GRIK2: variants seen among roughly 807,000 people sequenced by gnomAD.
The protein encoded by GRIK2 is glutamate receptor ionotropic, kainate 2.
Under a neutral mutation model 100.3 loss-of-function variants are expected in GRIK2, and 32 were observed. The observed-to-expected ratio is 0.32, with a 90% CI of 0.24 to 0.43. GRIK2 has a LOEUF of 0.43. Ranked by LOEUF, GRIK2 falls within the 20% of genes least tolerant of loss-of-function variation. The probability of loss-of-function intolerance (pLI) is 1.00; values close to 1 mark genes in which losing one functional copy is unlikely to be tolerated. For synonymous variants in GRIK2, 417 were observed against 389.4 expected, an observed-to-expected ratio of 1.07 and a Z score of -0.83; for missense variants, 843 against 1,114.9, an observed-to-expected ratio of 0.76 and a Z score of 3.47.
intron 4 of GRIK2, among the ~76,000 whole-genome samples, chr6:101,657,388 C>A (rs1202817965): frequency 6.6e-6 from 1 of 152,150 alleles, no homozygotes; most frequent in Non-Finnish European, 1.5e-5. Flanking sequence ...GAGGCCTCCT[C>A]AGCCATGGGG....
At chr6:101,508,092 T>TG (rs1774113901) in intron 2 of GRIK2, among the ~76,000 whole-genome samples, 1 of 111,270 alleles carries the variant, frequency 9.0e-6, no homozygotes, top group South Asian at 2.8e-4. Context: ...TGATTATTAT[T>TG]ATTTTTTTTT....
chr6:101,864,155 A>G (rs1306167795), intron 11 of GRIK2, among the ~76,000 whole-genome samples: 1 of 151,944 alleles, frequency 6.6e-6, no homozygotes, highest in East Asian at 1.9e-4. Context: ...AAAAAAAAAA[A>G]AAAAAAGAAG....
At chr6:102,040,777 A>G (rs1770523594) in intron 15 of GRIK2, among the ~76,000 whole-genome samples, 2 of 151,756 alleles carry the variant, frequency 1.3e-5, no homozygotes, top group South Asian at 4.1e-4. Context: ...TTATAGATGC[A>G]TAAAATTGCC....
chr6:101,792,843 A>C (rs1454765722), intron 7 of GRIK2, among the ~76,000 whole-genome samples: 2 of 152,082 alleles, frequency 1.3e-5, no homozygotes, highest in Admixed American at 6.5e-5. Context: ...TTTCAGGTAC[A>C]CCAATCAGAT....
At chr6:101,481,089 A>G (rs1027012023) in intron 2 of GRIK2, among the ~76,000 whole-genome samples, 2 of 152,220 alleles carry the variant, frequency 1.3e-5, no homozygotes, top group Admixed American at 6.5e-5. Context: ...TCTAAAGTTC[A>G]TGTAAAAAAA....
At chr6:101,643,370 T>A (rs1781370592) in intron 4 of GRIK2, among the ~76,000 whole-genome samples, 1 of 151,708 alleles carries the variant, frequency 6.6e-6, no homozygotes, top group Non-Finnish European at 1.5e-5. Context: ...TTAGGTTTTT[T>A]ATGTTTTTTG....
At chr6:102,037,649 A>ATGAT (rs1015420842) in intron 15 of GRIK2, among the ~76,000 whole-genome samples, 3 of 151,394 alleles carry the variant, frequency 2.0e-5, no homozygotes, top group Non-Finnish European at 3.0e-5. Context: ...ATGTATTAAA[A>ATGAT]TGATTGTGTT....
intron 2 of GRIK2, among the ~76,000 whole-genome samples, chr6:101,525,296 T>A (rs374050107): frequency 2.6e-5 from 4 of 152,214 alleles, no homozygotes; most frequent in African/African-American, 9.6e-5. Context: ...GGGATCTATA[T>A]TATCAGTAGG....
chr6:101,519,230 A>C (rs1222056747), intron 2 of GRIK2, among the ~76,000 whole-genome samples: 3 of 151,950 alleles, frequency 2.0e-5, no homozygotes, highest in Non-Finnish European at 4.4e-5. Flanking sequence ...CAGAGGCTAG[A>C]AAGTTTGGAA....
intron 14 of GRIK2, among the ~76,000 whole-genome samples, chr6:101,940,330 G>A (rs138214189): frequency 1.8e-3 from 267 of 152,176 alleles, no homozygotes; most frequent in African/African-American, 6.1e-3. Flanking sequence ...CCTAACAATT[G>A]CAAGTGGCCC....
At chr6:101,528,523 A>G (rs1272579588) in intron 2 of GRIK2, among the ~76,000 whole-genome samples, 1 of 152,072 alleles carries the variant, frequency 6.6e-6, no homozygotes, top group Non-Finnish European at 1.5e-5. Flanking sequence ...GTGAAACTCT[A>G]TTATATTTTC....
At chr6:101,875,523 A>T (rs1785764782) in intron 11 of GRIK2, among the ~76,000 whole-genome samples, 1 of 151,884 alleles carries the variant, frequency 6.6e-6, no homozygotes, top group African/African-American at 2.4e-5. Flanking sequence ...TTACAGAAAT[A>T]ACTACTTTTC....
chr6:101,453,349 T>A (rs1770816720), intron 2 of GRIK2, among the ~76,000 whole-genome samples: 1 of 151,986 alleles, frequency 6.6e-6, no homozygotes. Context: ...CTATATTATC[T>A]GCTTTCTTAA....
intron 15 of GRIK2, among the ~76,000 whole-genome samples, chr6:102,040,033 A>G (rs1479004784): frequency 6.6e-6 from 1 of 151,444 alleles, no homozygotes; most frequent in African/African-American, 2.4e-5. Context: ...TACTTGTGGG[A>G]TTAAATCAAT....
chr6:101,860,676 A>G (rs918106352), intron 11 of GRIK2, among the ~76,000 whole-genome samples: 1 of 152,266 alleles, frequency 6.6e-6, no homozygotes, highest in African/African-American at 2.4e-5. Context: ...GTCTTTCGAA[A>G]GGGCTGTTTT....
intron 4 of GRIK2, among the ~76,000 whole-genome samples, chr6:101,661,038 C>A (rs1367882001): frequency 6.6e-6 from 1 of 152,144 alleles, no homozygotes; most frequent in African/African-American, 2.4e-5. Flanking sequence ...TCAGAGCCAG[C>A]AGGCAGGAAT....
intron 2 of GRIK2, among the ~76,000 whole-genome samples, chr6:101,419,033 G>A (rs533221945): frequency 6.6e-5 from 10 of 152,216 alleles, no homozygotes; most frequent in Admixed American, 6.5e-4. Flanking sequence ...GCCAAAATAG[G>A]AAAGAAGAAA....
intron 7 of GRIK2, among the ~76,000 whole-genome samples, chr6:101,716,260 A>G (rs1192823154): frequency 6.6e-6 from 1 of 151,726 alleles, no homozygotes; most frequent in African/African-American, 2.4e-5. Context: ...GGCCTGTGAT[A>G]ATAAATAATA....
At chr6:101,545,038 C>T (rs1314840779) in intron 2 of GRIK2, among the ~76,000 whole-genome samples, 1 of 152,128 alleles carries the variant, frequency 6.6e-6, no homozygotes, top group East Asian at 1.9e-4. Flanking sequence ...CAAAGCTGAA[C>T]ATTTGTTTCT....
Sources: allele counts gnomAD v4.1 joint callset (sites outside exome capture counted in the v4.1 genomes callset), GRCh38; gene constraint gnomAD v4.1.1; transcripts MANE v1.5; gene names NCBI Gene and HGNC (gene_info 2026-07-23, HGNC 2026-07-21).